TMEM131L: variants seen among roughly 807,000 people sequenced by gnomAD.
TMEM131L encodes the protein transmembrane 131 like.
Under a neutral mutation model 192.2 loss-of-function variants are expected in TMEM131L, and 54 were observed. The observed-to-expected ratio is 0.28, with a 90% CI of 0.23 to 0.35. The LOEUF (loss-of-function observed/expected upper bound fraction) is 0.35, where lower values mean the gene tolerates loss of function less well. Ranked by LOEUF, TMEM131L falls within the 10% of genes least tolerant of loss-of-function variation. The pLI is 1.00. For missense variants in TMEM131L, 1,888 were observed against 1,972.9 expected, an observed-to-expected ratio of 0.96 and a Z score of 0.82; for synonymous variants, 701 against 704.9, an observed-to-expected ratio of 0.99 and a Z score of 0.09.
chr4:153,473,978 A>G, intron 3 of TMEM131L, 90 bp downstream of exon 3: 1 of 814,236 alleles, frequency 1.2e-6, no homozygotes, highest in Non-Finnish European at 2.0e-6. Context: ...GTCCATGTTT[A>G]TGTATTTAGT....
chr4:153,583,163 C>T (rs1350703516), intron 9 of TMEM131L, 27 bp from the exon 10 acceptor site: 2 of 1,161,936 alleles, frequency 1.7e-6, no homozygotes, highest in Non-Finnish European at 2.6e-6. Context: ...AAATACTCTG[C>T]TTTAATACTC....
At chr4:153,473,754 T>G in intron 2 of TMEM131L, 91 bp from the exon 3 acceptor site, 1 of 1,034,554 alleles carries the variant, frequency 9.7e-7, no homozygotes, top group Non-Finnish European at 1.4e-6. Context: ...ACCCTGCCAT[T>G]GTACTCCAGC....
At position 153,603,968 on chromosome 4, in the gene TMEM131L, A is replaced by T. The variant is rs542140296; in HGVS notation, c.2956A>T (p.Ser986Cys). ...GAAGCACAAATGCTCAGTGTATTACAGTAAACACAAAACCAGCACAGCTGC... is the reference window on the plus strand; with the variant it reads ...GAAGCACAAATGCTCAGTGTATTACTGTAAACACAAAACCAGCACAGCTGC... ...QKKHKCSVYY[S>C]KHKTSTAAAS... The change falls in exon 25 of 35, where the codon AGT (serine) becomes TGT (cysteine). Residue 986 changes from serine (S) to cysteine (C), a missense_variant. Transcript: ENST00000409959. 14 of 1,614,110 alleles carry T rather than the reference A, an allele frequency of 8.7e-6. No individual in the cohort carries two copies. The South Asian group carries it at 1.5e-4, about 18-fold the overall frequency.
Position 153,558,384 on chromosome 4 carries a change from T to G in TMEM131L, c.660+16T>G, listed in dbSNP as rs368635115. On this transcript the variant is annotated intron_variant, in intron 7 of 34. Transcript: ENST00000409959. The stretch of plus-strand genomic sequence containing the variant: ...TCAAATGCAGGTCATTTTAATAGAT[T>G]TACTTTGAATGCTGGTGGCCACCAA... 1.7e-4 allele frequency: 247 copies of G among 1,463,026 alleles called. No homozygotes were observed. The African/African-American group carries it at 2.9e-3, about 17-fold the overall frequency. The allele number at this position is 1,463,026 out of a possible 1,614,324, so 90.6% of individuals were successfully genotyped here. A position where few individuals can be genotyped will look rare whatever the true frequency, so the allele number is the denominator to read the frequency against.
At chr4:153,498,531 G>T (rs149984256) in intron 3 of TMEM131L, among the ~76,000 whole-genome samples, 2 of 152,208 alleles carry the variant, frequency 1.3e-5, no homozygotes, top group African/African-American at 4.8e-5. Flanking sequence ...GTGAGAGAGC[G>T]TGTGGGTGTG....
At chr4:153,525,133 C>T (rs779542425) in intron 3 of TMEM131L, among the ~76,000 whole-genome samples, 4 of 152,148 alleles carry the variant, frequency 2.6e-5, no homozygotes, top group South Asian at 4.1e-4. Context: ...TGGGTTGATG[C>T]GACTTGATAC....
intron 29 of TMEM131L, 44 bp from the exon 30 acceptor site, chr4:153,626,103 G>C: frequency 8.2e-7 from 1 of 1,225,182 alleles, no homozygotes. Context: ...TACAGTTGAA[G>C]TGTACTTTTT....
chr4:153,512,989 C>G (rs1345031579), intron 3 of TMEM131L, among the ~76,000 whole-genome samples: 1 of 152,182 alleles, frequency 6.6e-6, no homozygotes, highest in Non-Finnish European at 1.5e-5. Flanking sequence ...TTTAAATCAC[C>G]AGTCTGTCAT....
chr4:153,477,416 T>A (rs1731619835), intron 3 of TMEM131L, among the ~76,000 whole-genome samples: 1 of 152,226 alleles, frequency 6.6e-6, no homozygotes, highest in Non-Finnish European at 1.5e-5. Flanking sequence ...TTTTCTTTTG[T>A]AGATGCAGTT....
chr4:153,511,502 AT>A (rs574765095), intron 3 of TMEM131L, among the ~76,000 whole-genome samples: 2 of 152,310 alleles, frequency 1.3e-5, no homozygotes, highest in Admixed American at 1.3e-4. Context: ...GAGGGAGAGT[AT>A]CAGGAAAAAT....
At chr4:153,608,690 A>G (rs146139156) in intron 25 of TMEM131L, among the ~76,000 whole-genome samples, 199 of 152,332 alleles carry the variant, frequency 1.3e-3, no homozygotes, top group Non-Finnish European at 2.2e-3. Context: ...AAATGTTCCT[A>G]TTTACTTACA....
chr4:153,568,011 A>G (rs989133223), intron 7 of TMEM131L, among the ~76,000 whole-genome samples: 1 of 152,220 alleles, frequency 6.6e-6, no homozygotes, highest in Non-Finnish European at 1.5e-5. Flanking sequence ...TAGGCTGTCA[A>G]TCTCTGGAAA....
At chr4:153,595,315 A>G (rs1357367626) in intron 19 of TMEM131L, among the ~76,000 whole-genome samples, 1 of 152,216 alleles carries the variant, frequency 6.6e-6, no homozygotes, top group Non-Finnish European at 1.5e-5. Flanking sequence ...CCTGGCATAT[A>G]AGAACCATTT....
At chr4:153,509,648 C>T (rs570633245) in intron 3 of TMEM131L, among the ~76,000 whole-genome samples, 1 of 152,306 alleles carries the variant, frequency 6.6e-6, no homozygotes, top group Admixed American at 6.5e-5. Context: ...ATTGCTTGAA[C>T]CTGGGAGACA....
At chr4:153,504,208 T>C (rs1345923151) in intron 3 of TMEM131L, among the ~76,000 whole-genome samples, 1 of 148,854 alleles carries the variant, frequency 6.7e-6, no homozygotes, top group East Asian at 2.0e-4. Flanking sequence ...GACCTTGTGA[T>C]CCACCGCCTC....
intron 3 of TMEM131L, among the ~76,000 whole-genome samples, chr4:153,487,297 C>T (rs184753017): frequency 1.3e-5 from 2 of 152,258 alleles, no homozygotes; most frequent in Admixed American, 6.5e-5. Flanking sequence ...CACCACTGGC[C>T]CAGGATTTTA....
chr4:153,480,964 G>A (rs1266995823), intron 3 of TMEM131L, among the ~76,000 whole-genome samples: 1 of 152,080 alleles, frequency 6.6e-6, no homozygotes, highest in Non-Finnish European at 1.5e-5. Flanking sequence ...TTCTCCTCAC[G>A]TCCATTTGTC....
rs1216119441 is a variant in TMEM131L, at chr4:153,582,420, G to GTTT, written c.893-763_893-761dup. 2.0e-4 allele frequency among the ~76,000 whole-genome samples: 16 copies of GTTT among 81,812 alleles called. 1 individual carries two copies. Among genetic ancestry groups the GTTT allele is most frequent in the South Asian group, 4.0e-4 (1 of 2,486 alleles). 53.7% of individuals were successfully genotyped at this position (81,812 alleles called of 152,430 possible). A position where few individuals can be genotyped will look rare whatever the true frequency, so the allele number is the denominator to read the frequency against. On this transcript the variant is annotated intron_variant, in intron 9 of 34. Transcript: ENST00000409959. Reference sequence around the variant, plus strand: ...CCACTATGCCTGGCTAATTTAAACCGTTTTTTTTTGTTGTTTTTTTTTTTT... The same window carrying GTTT: ...CCACTATGCCTGGCTAATTTAAACCGTTTTTTTTTTTTGTTGTTTTTTTTTTTT...
chr4:153,604,320 G>C lies in TMEM131L; in HGVS notation c.3308G>C (p.Arg1103Pro), dbSNP rs765042248. Reference protein sequence around the residue: ...TSENTAEFKERELCPLKTSKK... With the variant: ...TSENTAEFKEPELCPLKTSKK... The stretch of plus-strand genomic sequence containing the variant: ...GAGAACACAGCCGAGTTCAAGGAAC[G>C]GGAGCTCTGTCCACTGAAGACCTCC... The change falls in exon 25 of 35, where the codon CGG becomes CCG. Residue 1103 changes from arginine to proline, a missense_variant. Transcript: ENST00000409959. The C allele has an allele frequency of 1.9e-6, 3 of 1,614,030 alleles. No homozygotes were observed. Among genetic ancestry groups the C allele is most frequent in the Admixed American group, 3.3e-5 (2 of 60,014 alleles).
Sources: gnomAD v4.1 joint callset for allele counts (sites outside exome capture counted in the v4.1 genomes callset) on GRCh38, gnomAD v4.1.1 for gene constraint, MANE v1.5 for transcripts, NCBI Gene and HGNC (gene_info 2026-07-23, HGNC 2026-07-21) for gene names.